IRAK1BP1: variants seen among roughly 807,000 people sequenced by gnomAD.
IRAK1BP1 encodes interleukin 1 receptor associated kinase 1 binding protein 1.
A neutral mutation model predicts 28.0 loss-of-function variants in IRAK1BP1; 24 were observed. The ratio of observed to expected loss-of-function variants is 0.86; its 90% CI spans 0.62 to 1.20. The LOEUF (loss-of-function observed/expected upper bound fraction) is 1.20, where lower values mean the gene tolerates loss of function less well. Among genes scored for constraint, IRAK1BP1 ranks in the 50% most tolerant of loss-of-function variants. The probability of loss-of-function intolerance (pLI) is 0.00; values close to 1 mark genes in which losing one functional copy is unlikely to be tolerated. For synonymous variants in IRAK1BP1, 131 were observed against 116.3 expected, an observed-to-expected ratio of 1.13 and a Z score of -0.81; for missense variants, 336 against 316.7, an observed-to-expected ratio of 1.06 and a Z score of -0.46.
downstream of IRAK1BP1, among the ~76,000 whole-genome samples, chr6:78,905,848 G>C (rs922016478): frequency 6.6e-6 from 1 of 151,934 alleles, no homozygotes; most frequent in African/African-American, 2.4e-5. Flanking sequence ...TGATCCACCT[G>C]CCTCGGCCTC....
At chr6:78,976,724 C>T in the IRAK1BP1 span, among the ~76,000 whole-genome samples, 7 of 146,852 alleles carry the variant, frequency 4.8e-5, no homozygotes, top group South Asian at 6.7e-4. Context: ...AGGACATGAA[C>T]AGACACTTCT....
intron 2 of IRAK1BP1, among the ~76,000 whole-genome samples, chr6:78,886,671 A>G (rs1051446301): frequency 3.3e-5 from 5 of 152,286 alleles, no homozygotes; most frequent in Middle Eastern, 6.8e-3. Context: ...CAAGGGAATA[A>G]TAAGAAAAAA....
chr6:78,915,169 T>C (rs1334054296), intron 4 of IRAK1BP1, among the ~76,000 whole-genome samples: 1 of 152,216 alleles, frequency 6.6e-6, no homozygotes, highest in Non-Finnish European at 1.5e-5. Flanking sequence ...AATGTCATCA[T>C]GCCTCAAATG....
At chr6:78,968,549 G>A in the IRAK1BP1 span, among the ~76,000 whole-genome samples, 1 of 152,154 alleles carries the variant, frequency 6.6e-6, no homozygotes, top group East Asian at 1.9e-4. Flanking sequence ...TATCCATGGA[G>A]GTCCTGGAAG....
the IRAK1BP1 span, chr6:78,961,653 C>T: frequency 2.5e-6 from 4 of 1,601,746 alleles, no homozygotes; most frequent in South Asian, 3.3e-5. Flanking sequence ...AGATCACCAG[C>T]TTTCCTTTGA....
chr6:78,896,961 G>A (rs1376804290), intron 2 of IRAK1BP1, among the ~76,000 whole-genome samples: 1 of 152,116 alleles, frequency 6.6e-6, no homozygotes, highest in Non-Finnish European at 1.5e-5. Context: ...TGTGTTAAGG[G>A]TTCTTTAGAA....
the IRAK1BP1 span, chr6:78,970,079 C>T: frequency 6.2e-7 from 1 of 1,613,478 alleles, no homozygotes. Context: ...AGTCAGTTTA[C>T]CAGTATCAGG....
intron 4 of IRAK1BP1, among the ~76,000 whole-genome samples, chr6:78,928,019 G>A (rs1272648980): frequency 6.6e-6 from 1 of 151,926 alleles, no homozygotes; most frequent in Non-Finnish European, 1.5e-5. Flanking sequence ...GGCTATTCTG[G>A]GTCTTTTCTG....
In IRAK1BP1 at chr6:78,880,199, T is replaced by C. The variant is rs1356003300; in HGVS notation, c.316-5179T>C. The stretch of plus-strand genomic sequence containing the variant: ...AGATACAGAGGTTGAGTATCCCTTA[T>C]CTGAAATGTTGGGACCAGAAATGTT... On this transcript the variant is annotated intron_variant, in intron 1 of 3. Transcript: ENST00000369940. 6.6e-5 allele frequency among the ~76,000 whole-genome samples: 10 copies of C among 152,214 alleles called. 1 individual carries two copies. The highest frequency in any genetic ancestry group is 1.5e-5 in the Non-Finnish European group (1 of 68,034).
intron 2 of IRAK1BP1, among the ~76,000 whole-genome samples, chr6:78,888,138 G>A (rs527671867): frequency 6.6e-6 from 1 of 152,242 alleles, no homozygotes; most frequent in South Asian, 2.1e-4. Context: ...TACATGAGGA[G>A]TCTAAAATAA....
the IRAK1BP1 span, among the ~76,000 whole-genome samples, chr6:78,954,446 C>T: frequency 6.3e-4 from 96 of 152,140 alleles, 1 homozygote; most frequent in South Asian, 8.1e-3. Flanking sequence ...TCTCCATAAT[C>T]CTGTAAGGAC....
intron 4 of IRAK1BP1, among the ~76,000 whole-genome samples, chr6:78,931,442 C>T (rs1334094509): frequency 1.3e-5 from 2 of 152,064 alleles, no homozygotes; most frequent in South Asian, 2.1e-4. Context: ...GGGTATTTTA[C>T]ACTAAAATTA....
the IRAK1BP1 span, among the ~76,000 whole-genome samples, chr6:78,975,777 G>A: frequency 6.6e-6 from 1 of 151,658 alleles, no homozygotes; most frequent in Admixed American, 6.6e-5. Flanking sequence ...ATTCACAATT[G>A]CTTCAAAGAG....
chr6:78,876,927 C>T (rs550577640), intron 1 of IRAK1BP1, among the ~76,000 whole-genome samples: 2 of 152,158 alleles, frequency 1.3e-5, no homozygotes, highest in Non-Finnish European at 2.9e-5. Flanking sequence ...AACCCACCAG[C>T]CAGACTATCA....
At chr6:78,870,242 G>A (rs1002025357) in intron 1 of IRAK1BP1, among the ~76,000 whole-genome samples, 1 of 145,276 alleles carries the variant, frequency 6.9e-6, no homozygotes, top group African/African-American at 2.6e-5. Context: ...GTGAGACACT[G>A]TCTCAAAAAA....
At chr6:78,943,990 T>TAA (rs558983037) in intron 4 of IRAK1BP1, among the ~76,000 whole-genome samples, 1,017 of 78,112 alleles carry the variant, frequency 0.013, 20 homozygotes, top group African/African-American at 0.045. Flanking sequence ...TGTCTTTTTT[T>TAA]AAAAAAAAAA....
the IRAK1BP1 span, among the ~76,000 whole-genome samples, chr6:78,951,809 G>A: frequency 1.3e-5 from 2 of 152,162 alleles, no homozygotes; most frequent in Admixed American, 1.3e-4. Flanking sequence ...TATTGTCTCA[G>A]AATATCACAT....
the IRAK1BP1 span, chr6:78,957,797 C>T: frequency 6.6e-6 from 1 of 151,880 alleles, no homozygotes; most frequent in Non-Finnish European, 1.5e-5. Context: ...TATATGATTG[C>T]ATAAAATCCT....
At chr6:78,952,896 A>C in the IRAK1BP1 span, among the ~76,000 whole-genome samples, 4 of 152,040 alleles carry the variant, frequency 2.6e-5, no homozygotes, top group Non-Finnish European at 5.9e-5. Flanking sequence ...CAGTAATCTT[A>C]CAAGGAATGT....
Sources: gnomAD v4.1 joint callset for allele counts (sites outside exome capture counted in the v4.1 genomes callset) on GRCh38, gnomAD v4.1.1 for gene constraint, MANE v1.5 for transcripts, NCBI Gene and HGNC (gene_info 2026-07-23, HGNC 2026-07-21) for gene names.